Variants in SYN3 observed in about 807,000 individuals in gnomAD.
The protein encoded by SYN3 is synapsin-3.
A neutral mutation model predicts 65.8 loss-of-function variants in SYN3; 35 were observed. The ratio of observed to expected loss-of-function variants is 0.53; its 90% CI spans 0.41 to 0.70. The LOEUF is 0.70. SYN3 is among the 30% of genes least tolerant of loss of function. The probability of loss-of-function intolerance (pLI) is 0.00; values close to 1 mark genes in which losing one functional copy is unlikely to be tolerated. For synonymous variants in SYN3, 270 were observed against 292.9 expected (o/e 0.92, Z 0.80); for missense variants, 680 against 749.0 (o/e 0.91, Z 1.08).
intron 6 of SYN3, among the ~76,000 whole-genome samples, chr22:32,764,613 G>C (rs950089231): frequency 1.3e-5 from 2 of 152,168 alleles, no homozygotes; most frequent in Non-Finnish European, 2.9e-5. Flanking sequence ...TGTTGGCTCT[G>C]GCTGTGGATT....
rs1354792933 is a variant in SYN3, at chr22:32,655,043, A to G, written c.712-58307T>C. Among the ~76,000 whole-genome samples the G allele has an allele frequency of 5.3e-5, 8 of 152,226 alleles. No individual in the cohort carries two copies. In the South Asian group the frequency reaches 1.4e-3, roughly 28 times the overall value. On this transcript the variant is annotated intron_variant, in intron 6 of 13. Transcript: ENST00000358763. ...CACATGACCTGGGCTCAAAGCTGCT[A>G]TGGTTTGAATGGATGTGTCCCTCCA...
chr22:32,899,336 C>G (rs1180263083), intron 4 of SYN3, among the ~76,000 whole-genome samples: 1 of 152,146 alleles, frequency 6.6e-6, no homozygotes, highest in Non-Finnish European at 1.5e-5. Flanking sequence ...GGGCACTGTG[C>G]TAAGAACTTA....
intron 3 of SYN3, among the ~76,000 whole-genome samples, chr22:32,975,033 T>C (rs2052141713): frequency 6.6e-6 from 1 of 152,194 alleles, no homozygotes; most frequent in South Asian, 2.1e-4. Flanking sequence ...TAAGCTGTGC[T>C]CAACTCAAAT....
intron 6 of SYN3, chr22:32,861,994 TA>T (rs2048554132): frequency 6.6e-6 from 1 of 152,592 alleles, no homozygotes; most frequent in South Asian, 2.1e-4. Context: ...AAAATACTTC[TA>T]GGCAAGCAGC....
chr22:32,569,285 A>G lies in SYN3; in HGVS notation c.774+27389T>C, dbSNP rs949754142. Among the ~76,000 whole-genome samples, 10 of 150,776 alleles carry G rather than the reference A, an allele frequency of 6.6e-5. 1 individual carries two copies. The East Asian group carries it at 1.6e-3, about 24-fold the overall frequency. Reference sequence around the variant, plus strand: ...TATCTATCTATCTATCTATCTATCTATCTATCTATCTATCTACACCTATCT... The same window carrying G: ...TATCTATCTATCTATCTATCTATCTGTCTATCTATCTATCTACACCTATCT... On this transcript the variant is annotated intron_variant, in intron 7 of 13. Transcript: ENST00000358763.
chr22:32,544,957 G>T (rs189072275), intron 7 of SYN3, among the ~76,000 whole-genome samples: 122 of 152,310 alleles, frequency 8.0e-4, no homozygotes, highest in South Asian at 1.0e-3. Flanking sequence ...GATATGGGGG[G>T]CATGTGTCCA....
chr22:32,966,485 G>A (rs1197579593), intron 3 of SYN3, among the ~76,000 whole-genome samples: 4 of 152,144 alleles, frequency 2.6e-5, no homozygotes, highest in African/African-American at 4.8e-5. Flanking sequence ...AGGGCCTTGT[G>A]TGCAGAGCTT....
At chr22:32,736,576 G>GA (rs937339448) in intron 6 of SYN3, among the ~76,000 whole-genome samples, 7 of 151,964 alleles carry the variant, frequency 4.6e-5, no homozygotes, top group Non-Finnish European at 7.4e-5. Context: ...ACCATAAATG[G>GA]AAAAAACTGA....
intron 3 of SYN3, among the ~76,000 whole-genome samples, chr22:32,972,204 A>C (rs976405459): frequency 2.0e-5 from 3 of 152,228 alleles, no homozygotes; most frequent in Admixed American, 6.5e-5. Context: ...CTACAGATCG[A>C]TTAATAAATG....
intron 6 of SYN3, among the ~76,000 whole-genome samples, chr22:32,628,876 T>G (rs2059707678): frequency 6.6e-6 from 1 of 152,226 alleles, no homozygotes; most frequent in Non-Finnish European, 1.5e-5. Context: ...TCGTTGTAAC[T>G]GAAAAGTGGG....
chr22:32,831,512 T>G (rs9621573), intron 6 of SYN3, among the ~76,000 whole-genome samples: 1 of 152,052 alleles, frequency 6.6e-6, no homozygotes, highest in African/African-American at 2.4e-5. Flanking sequence ...GGGTCGGAGT[T>G]GGGGGGCAGT....
chr22:32,850,059 C>T (rs2048176292), intron 6 of SYN3, among the ~76,000 whole-genome samples: 1 of 150,634 alleles, frequency 6.6e-6, no homozygotes, highest in Non-Finnish European at 1.5e-5. Flanking sequence ...GCAGGAACTT[C>T]ACCTTCTTTC....
intron 7 of SYN3, among the ~76,000 whole-genome samples, chr22:32,594,104 G>A (rs2059164356): frequency 1.3e-5 from 2 of 152,154 alleles, no homozygotes; most frequent in South Asian, 2.1e-4. Context: ...GGAGGGGGCT[G>A]GAGCCATATG....
chr22:32,948,515 T>A (rs912804418), intron 3 of SYN3, among the ~76,000 whole-genome samples: 2 of 152,128 alleles, frequency 1.3e-5, no homozygotes, highest in Non-Finnish European at 2.9e-5. Flanking sequence ...GGCGGGCAGA[T>A]CACAAGGTCA....
At chr22:32,795,810 A>T (rs964782033) in intron 6 of SYN3, among the ~76,000 whole-genome samples, 1 of 152,170 alleles carries the variant, frequency 6.6e-6, no homozygotes, top group Non-Finnish European at 1.5e-5. Context: ...AAGTTTAAAG[A>T]AGGATGCGAT....
intron 6 of SYN3, among the ~76,000 whole-genome samples, chr22:32,708,158 A>AGT (rs1283142026): frequency 1.3e-5 from 2 of 152,236 alleles, no homozygotes; most frequent in Non-Finnish European, 2.9e-5. Context: ...TGACTAATGG[A>AGT]GTGTGTGATC....
intron 4 of SYN3, among the ~76,000 whole-genome samples, chr22:32,882,513 G>C (rs1218737049): frequency 6.6e-6 from 1 of 152,186 alleles, no homozygotes; most frequent in African/African-American, 2.4e-5. Context: ...ATTTTTCAGA[G>C]TATTACCTTA....
intron 6 of SYN3, among the ~76,000 whole-genome samples, chr22:32,715,170 T>C (rs1387183378): frequency 1.3e-5 from 2 of 152,254 alleles, no homozygotes; most frequent in Admixed American, 6.5e-5. Context: ...TAGCGTTTGC[T>C]TATTTTCATG....
chr22:32,854,950 C>T (rs1305710297), intron 6 of SYN3, among the ~76,000 whole-genome samples: 1 of 152,160 alleles, frequency 6.6e-6, no homozygotes. Flanking sequence ...CCAGTCACCA[C>T]TTAAAAGATG....
Sources: allele counts gnomAD v4.1 joint callset (sites outside exome capture counted in the v4.1 genomes callset), GRCh38; gene constraint gnomAD v4.1.1; transcripts MANE v1.5; gene names NCBI Gene and HGNC (gene_info 2026-07-23, HGNC 2026-07-21).